Variants in JMJD1C observed in about 807,000 individuals in gnomAD.
JMJD1C encodes jumonji domain-containing protein 1C.
JMJD1C carries 31 observed loss-of-function variants against 245.3 expected under a neutral mutation model. The observed-to-expected ratio is 0.13, with a 90% CI of 0.09 to 0.17. The LOEUF (loss-of-function observed/expected upper bound fraction) is 0.17, where lower values mean the gene tolerates loss of function less well. JMJD1C is among the 10% of genes least tolerant of loss of function. The pLI is 1.00. For synonymous variants in JMJD1C, 1,057 were observed against 1,017.4 expected (o/e 1.04, Z -0.74); for missense variants, 2,691 against 3,000.2 (o/e 0.90, Z 2.41).
chr10:63,453,569 A>T (rs1022690363), intron 1 of JMJD1C, among the ~76,000 whole-genome samples: 2 of 152,208 alleles, frequency 1.3e-5, no homozygotes, highest in African/African-American at 4.8e-5. Flanking sequence ...TATAATTTCA[A>T]ATTAGAAAGA....
chr10:63,475,893 G>A (rs1250034747), intron 1 of JMJD1C, among the ~76,000 whole-genome samples: 5 of 152,158 alleles, frequency 3.3e-5, no homozygotes, highest in Non-Finnish European at 7.3e-5. Flanking sequence ...CCCATCTTAA[G>A]TACTAGGTGA....
rs537203534 is a variant in JMJD1C, at chr10:63,481,033, T to A, written n.113+40705A>T. ...TATTTGTAAATTTTACAAATGCCAC[T>A]CATGTGTTGACATTATAAAATTAGG... On this transcript the variant is annotated intron_variant and non_coding_transcript_variant, in intron 1 of 3. Coordinates refer to the JMJD1C transcript ENST00000633035. 1.4e-4 allele frequency among the ~76,000 whole-genome samples: 22 copies of A among 152,346 alleles called. No homozygotes were observed. The South Asian group carries it at 4.6e-3, about 32-fold the overall frequency.
chr10:63,384,367 T>C (rs921066291), intron 1 of JMJD1C, among the ~76,000 whole-genome samples: 24 of 152,212 alleles, frequency 1.6e-4, no homozygotes, highest in African/African-American at 5.3e-4. Flanking sequence ...GAGGAATCAC[T>C]ATCTCTGGCA....
chr10:63,444,231 T>G (rs1300129024), intron 1 of JMJD1C, among the ~76,000 whole-genome samples: 2 of 152,186 alleles, frequency 1.3e-5, no homozygotes, highest in Non-Finnish European at 2.9e-5. Context: ...TCTCAAAGAA[T>G]TAAAGATAAA....
chr10:63,295,924 T>G (rs1187269502), intron 2 of JMJD1C, among the ~76,000 whole-genome samples: 3 of 134,980 alleles, frequency 2.2e-5, no homozygotes, highest in Admixed American at 7.5e-5. Context: ...TGTATATACA[T>G]GTACATGTGT....
At chr10:63,439,286 T>C (rs1198865739) in intron 1 of JMJD1C, among the ~76,000 whole-genome samples, 1 of 152,242 alleles carries the variant, frequency 6.6e-6, no homozygotes, top group African/African-American at 2.4e-5. Context: ...AGTAAGTTAT[T>C]GTGTAATGTT....
chr10:63,365,501 T>A (rs1388772713), intron 2 of JMJD1C, among the ~76,000 whole-genome samples: 1 of 152,162 alleles, frequency 6.6e-6, no homozygotes, highest in Non-Finnish European at 1.5e-5. Context: ...CCAGGTGCAG[T>A]GGCTCAAGCC....
Position 63,306,151 on chromosome 10 carries a change from G to A in JMJD1C, c.334-41387C>T, listed in dbSNP as rs113647144. On this transcript the variant is annotated intron_variant, in intron 2 of 25. Coordinates refer to ENST00000399262, the MANE Select transcript of JMJD1C (RefSeq NM_032776.3). ...GTTGCCCAGGCTGGAGTGCACTGGT[G>A]TGATCTCGACTCACTGCAACCTCCG... Among the ~76,000 whole-genome samples the A allele has an allele frequency of 3.3e-3, 504 of 152,008 alleles. 3 individuals are homozygous for A. The highest frequency in any genetic ancestry group is 0.011 in the African/African-American group (464 of 41,436).
In JMJD1C at chr10:63,197,448, T is replaced by C. The variant is rs765000847; in HGVS notation, c.5607A>G (p.Leu1869=). Residue 1869 remains leucine (L), a synonymous_variant, in exon 13 of 26, where the codon TTA becomes TTG. Coordinates refer to ENST00000399262, the MANE Select transcript of JMJD1C (RefSeq NM_032776.3). ...TCCTTTCCTTTGCCTTGTAACAATC[T>C]AAGCAGACCACAAATCCACATTTTT... is the stretch of plus-strand genomic sequence containing the variant. ...VCQKCGFVVC[L]DCYKAKERKS... The C allele has an allele frequency of 6.2e-6, 10 of 1,613,506 alleles. No individual in the cohort carries two copies. The highest frequency in any genetic ancestry group is 1.3e-5 in the African/African-American group (1 of 74,892).
At chr10:63,311,394 AAAAT>A (rs1305580011) in intron 2 of JMJD1C, among the ~76,000 whole-genome samples, 1 of 152,094 alleles carries the variant, frequency 6.6e-6, no homozygotes, top group Non-Finnish European at 1.5e-5. Context: ...ATAAACAAAC[AAAAT>A]AAATAAACTC....
chr10:63,195,745 G>A (rs1325445218), intron 13 of JMJD1C, among the ~76,000 whole-genome samples: 1 of 151,138 alleles, frequency 6.6e-6, no homozygotes. Flanking sequence ...TCGAGACCAC[G>A]GTGAAAACCC....
At chr10:63,206,302 G>T (rs187502931) in intron 10 of JMJD1C, among the ~76,000 whole-genome samples, 3 of 152,236 alleles carry the variant, frequency 2.0e-5, no homozygotes, top group African/African-American at 7.2e-5. Context: ...AAAATTACGA[G>T]TAACTACTAA....
intron 1 of JMJD1C, among the ~76,000 whole-genome samples, chr10:63,396,391 T>TG (rs1948489284): frequency 6.6e-6 from 1 of 152,164 alleles, no homozygotes; most frequent in Non-Finnish European, 1.5e-5. Context: ...AGAACAGCCT[T>TG]GTTAGTTCTC....
chr10:63,269,745 T>C (rs1856055027), intron 2 of JMJD1C, among the ~76,000 whole-genome samples: 2 of 152,218 alleles, frequency 1.3e-5, no homozygotes, highest in Admixed American at 6.5e-5. Context: ...TCAACCATTT[T>C]CACTCATTAC....
At chr10:63,406,323 A>G (rs946141001) in intron 1 of JMJD1C, among the ~76,000 whole-genome samples, 1 of 152,184 alleles carries the variant, frequency 6.6e-6, no homozygotes, top group African/African-American at 2.4e-5. Context: ...ATGCATCTCC[A>G]ATGTGTGGAA....
rs559746143 is a variant in JMJD1C, at chr10:63,241,717, T to C, written c.448-21734A>G. On this transcript the variant is annotated intron_variant, in intron 3 of 25. Coordinates refer to ENST00000399262, the MANE Select transcript of JMJD1C (RefSeq NM_032776.3). Reference sequence around the variant, plus strand: ...ACTTTCCAGGCTTTACTTTTCTCCATAGTACTACTGTCTTCTAATATGCTA... The same window carrying C: ...ACTTTCCAGGCTTTACTTTTCTCCACAGTACTACTGTCTTCTAATATGCTA... Among the ~76,000 whole-genome samples the C allele has an allele frequency of 5.3e-5, 8 of 152,320 alleles. No individual in the cohort carries two copies. The South Asian group carries it at 6.2e-4, about 12-fold the overall frequency.
chr10:63,415,023 G>T (rs1266513960), intron 1 of JMJD1C, among the ~76,000 whole-genome samples: 1 of 151,390 alleles, frequency 6.6e-6, no homozygotes, highest in African/African-American at 2.4e-5. Context: ...GAATTTAAGT[G>T]CATTTTTGCT....
chr10:63,507,663 A>AAAAAAAAAAAAC (rs55674385), intron 1 of JMJD1C, among the ~76,000 whole-genome samples: 1 of 150,920 alleles, frequency 6.6e-6, no homozygotes, highest in Non-Finnish European at 1.5e-5. Context: ...AAAAAAAAAA[A>AAAAAAAAAAAAC]CAGTGGCTGT....
At chr10:63,367,575 A>G (rs1309216355) in intron 2 of JMJD1C, among the ~76,000 whole-genome samples, 1 of 152,144 alleles carries the variant, frequency 6.6e-6, no homozygotes, top group African/African-American at 2.4e-5. Context: ...AACTTTAAAA[A>G]CTGGAAGGCA....
Sources: gnomAD v4.1 joint callset for allele counts (sites outside exome capture counted in the v4.1 genomes callset) on GRCh38, gnomAD v4.1.1 for gene constraint, MANE v1.5 for transcripts, NCBI Gene and HGNC (gene_info 2026-07-23, HGNC 2026-07-21) for gene names.